PRKCZ: variants seen among roughly 807,000 people sequenced by gnomAD.
The protein encoded by PRKCZ is protein kinase C zeta, also known as protein kinase C zeta type.
In PRKCZ, 33 loss-of-function variants were observed where a neutral mutation model predicts 79.5. That is an observed-to-expected ratio of 0.41 (90% CI 0.31 to 0.55). The LOEUF (loss-of-function observed/expected upper bound fraction) is 0.55, where lower values mean the gene tolerates loss of function less well. PRKCZ is among the 20% of genes least tolerant of loss of function. The pLI is 0.19. For missense variants in PRKCZ, 578 were observed against 813.5 expected (o/e 0.71, Z 3.52); for synonymous variants, 342 against 320.9 (o/e 1.07, Z -0.70).
chr1:2,088,846 G>A (rs1664984203), intron 4 of PRKCZ, among the ~76,000 whole-genome samples: 1 of 152,248 alleles, frequency 6.6e-6, no homozygotes, highest in Non-Finnish European at 1.5e-5. Flanking sequence ...AGCAACACAT[G>A]TTCACTACAG....
Position 2,172,498 on chromosome 1 carries a change from C to T in PRKCZ, c.1285+110C>T, listed in dbSNP as rs994213856. 21 of 1,188,044 alleles carry T rather than the reference C, an allele frequency of 1.8e-5. No homozygotes were observed. In the South Asian group the frequency reaches 2.0e-4, roughly 11 times the overall value. 73.6% of individuals were successfully genotyped at this position (1,188,044 alleles called of 1,614,324 possible). A position where few individuals can be genotyped will look rare whatever the true frequency, so the allele number is the denominator to read the frequency against. ...CCTTGACCATCTTACACCCAAAAGC[C>T]ACACACTGTCTTTCCCAGCCGGATG... On this transcript the variant is annotated intron_variant, in intron 13 of 17. Transcript: ENST00000378567. The surrounding 1 kb of genome is among the most constrained non-coding windows in gnomAD (Gnocchi z 7.8).
intron 4 of PRKCZ, among the ~76,000 whole-genome samples, chr1:2,117,373 T>C (rs990738880): frequency 2.0e-5 from 3 of 152,216 alleles, no homozygotes; most frequent in South Asian, 4.1e-4. Flanking sequence ...TACAGTTTTT[T>C]TTTTTTTATC....
intron 4 of PRKCZ, among the ~76,000 whole-genome samples, chr1:2,091,873 G>A (rs919230068): frequency 8.5e-5 from 13 of 152,278 alleles, no homozygotes; most frequent in East Asian, 1.9e-4. Flanking sequence ...TTGGGGCCAC[G>A]GAGTTGTGGG....
chr1:2,086,020 T>C (rs1345048637), intron 4 of PRKCZ, among the ~76,000 whole-genome samples: 1 of 151,754 alleles, frequency 6.6e-6, no homozygotes, highest in Admixed American at 6.6e-5. Context: ...TAATGTGAAC[T>C]CAAGGATTTT....
intron 4 of PRKCZ, among the ~76,000 whole-genome samples, chr1:2,109,647 G>A (rs111770458): frequency 2.0e-5 from 3 of 152,326 alleles, no homozygotes; most frequent in South Asian, 2.1e-4. Context: ...GTGAGGACAC[G>A]GGGTTGCGGC....
At chr1:2,086,935 A>T (rs920999986) in intron 4 of PRKCZ, among the ~76,000 whole-genome samples, 2 of 152,204 alleles carry the variant, frequency 1.3e-5, no homozygotes, top group Non-Finnish European at 2.9e-5. Flanking sequence ...GCCTCCTGCC[A>T]TGCCCATGCC....
chr1:2,053,987 C>T (rs1392422746), intron 1 of PRKCZ, among the ~76,000 whole-genome samples: 1 of 152,136 alleles, frequency 6.6e-6, no homozygotes. Flanking sequence ...GCGTCTGTCC[C>T]CCAGGCCCAG....
Position 2,144,215 on chromosome 1 carries a change from G to C in PRKCZ, c.426G>C (p.Ala142=), listed in dbSNP as rs142420048. Residue 142 remains alanine, a synonymous_variant, in exon 6 of 18, where the codon GCG becomes GCC. Coordinates refer to ENST00000378567, the MANE Select transcript of PRKCZ (RefSeq NM_002744.6). ...CGCTCTGTTCCCACCTGCAGAGAGC[G>C]TACTGCGGTCAGTGCAGCGAGAGGA... ...LFQAKRFNRR[A]YCGQCSERIW... is the part of the protein sequence containing the mutation. 74 of 1,551,894 alleles carry C rather than the reference G, an allele frequency of 4.8e-5. No individual in the cohort carries two copies. The highest frequency in any genetic ancestry group is 6.2e-5 in the Non-Finnish European group (71 of 1,147,118).
chr1:2,103,196 T>A (rs1367641581), intron 4 of PRKCZ, among the ~76,000 whole-genome samples: 1 of 152,182 alleles, frequency 6.6e-6, no homozygotes, highest in East Asian at 1.9e-4. Context: ...CTCATATCTC[T>A]GTTTCCACAG....
intron 4 of PRKCZ, 93 bp downstream of exon 4, chr1:2,059,684 G>A (rs1878746): frequency 0.17 from 264,590 of 1,532,530 alleles, 23,697 homozygotes; most frequent in Middle Eastern, 0.26. Flanking sequence ...TGCCGTTTTC[G>A]GAGGTTCACC....
chr1:2,107,266 C>T (rs1294132353), intron 4 of PRKCZ, among the ~76,000 whole-genome samples: 1 of 152,244 alleles, frequency 6.6e-6, no homozygotes, highest in Non-Finnish European at 1.5e-5. Context: ...GGAGGCCGCC[C>T]CTCTCCCTGG....
In PRKCZ at chr1:2,143,905, C is replaced by T. The variant is rs112776417; in HGVS notation, c.421-305C>T. The T allele has an allele frequency of 2.7e-5, 8 of 297,222 alleles. No individual in the cohort carries two copies. In the East Asian group the frequency reaches 3.6e-4, roughly 13 times the overall value. The allele number at this position is 297,222 out of a possible 1,614,324, so 18.4% of individuals were successfully genotyped here. A position where few individuals can be genotyped will look rare whatever the true frequency, so the allele number is the denominator to read the frequency against. On this transcript the variant is annotated intron_variant, in intron 5 of 17. Coordinates refer to ENST00000378567, the MANE Select transcript of PRKCZ (RefSeq NM_002744.6). ...GCAGCCCCCCAGCCCCTGCAAGCCACGGGGCCTTGCCTGAAGCAGCACCTC... is the reference window on the plus strand; with the variant it reads ...GCAGCCCCCCAGCCCCTGCAAGCCATGGGGCCTTGCCTGAAGCAGCACCTC...
intron 4 of PRKCZ, among the ~76,000 whole-genome samples, chr1:2,095,195 C>G (rs1025331441): frequency 2.0e-5 from 3 of 152,170 alleles, no homozygotes; most frequent in Non-Finnish European, 2.9e-5. Flanking sequence ...GTCTGGTTGT[C>G]TCCTTTCCAG....
chr1:2,061,122 G>C (rs892392174), intron 4 of PRKCZ, among the ~76,000 whole-genome samples: 2 of 152,254 alleles, frequency 1.3e-5, no homozygotes, highest in Non-Finnish European at 2.9e-5. Context: ...CCACCTGGGT[G>C]ATTTTTTGAC....
intron 16 of PRKCZ, among the ~76,000 whole-genome samples, chr1:2,179,396 G>C (rs991137709): frequency 6.6e-6 from 1 of 152,176 alleles, no homozygotes; most frequent in South Asian, 2.1e-4. Context: ...CCCCATCCCC[G>C]CAGGATCCCC....
Position 2,110,121 on chromosome 1 carries a change from GC to G in PRKCZ, c.335-25138del, listed in dbSNP as rs1669431248. Among the ~76,000 whole-genome samples the G allele has an allele frequency of 9.8e-5, 7 of 71,254 alleles. 3 individuals carry two copies. The highest frequency in any genetic ancestry group is 4.5e-4 in the African/African-American group (7 of 15,444). 46.7% of individuals were successfully genotyped at this position (71,254 alleles called of 152,430 possible). A position where few individuals can be genotyped will look rare whatever the true frequency, so the allele number is the denominator to read the frequency against. On this transcript the variant is annotated intron_variant, in intron 4 of 17. Transcript: ENST00000378567. ...CAGAACGGCCAGGGCTGAATCCGGG[GC>G]CCTCCCTGGGGGCAGCCAAGGACCT...
chr1:2,055,769 T>C (rs2271797), intron 2 of PRKCZ: 121,569 of 673,182 alleles, frequency 0.18, 13,615 homozygotes, highest in East Asian at 0.51. Flanking sequence ...CAGATGCCCC[T>C]AGGAAGGGCT....
intron 4 of PRKCZ, among the ~76,000 whole-genome samples, chr1:2,129,710 G>A (rs1674599113): frequency 6.6e-6 from 1 of 152,126 alleles, no homozygotes; most frequent in East Asian, 1.9e-4. Flanking sequence ...AAAGACAGTT[G>A]AGGGCGGCCC....
intron 4 of PRKCZ, among the ~76,000 whole-genome samples, chr1:2,103,768 G>A (rs889090058): frequency 2.0e-5 from 3 of 152,214 alleles, no homozygotes; most frequent in African/African-American, 7.2e-5. Flanking sequence ...CAAAGTAGAT[G>A]GGAAGGAAGG....
Sources: gnomAD v4.1 joint callset for allele counts (sites outside exome capture counted in the v4.1 genomes callset) on GRCh38, gnomAD v4.1.1 for gene constraint, Gnocchi (gnomAD v3.1) non-coding constraint, MANE v1.5 for transcripts, NCBI Gene and HGNC (gene_info 2026-07-23, HGNC 2026-07-21) for gene names.